NRG1: variants seen among roughly 807,000 people sequenced by gnomAD.
NRG1 encodes pro-neuregulin-1, membrane-bound isoform.
In NRG1, 18 loss-of-function variants were observed where a neutral mutation model predicts 63.8. The ratio of observed to expected loss-of-function variants is 0.28; its 90% CI spans 0.19 to 0.42. The LOEUF is 0.42. Ranked by LOEUF, NRG1 falls within the 10% of genes least tolerant of loss-of-function variation. NRG1 has a pLI of 1.00. For synonymous variants in NRG1, 302 were observed against 301.3 expected, an observed-to-expected ratio of 1.00 and a Z score of -0.02; for missense variants, 762 against 814.7, an observed-to-expected ratio of 0.94 and a Z score of 0.79.
chr8:32,582,982 T>C (rs913194715), intron 1 of NRG1, among the ~76,000 whole-genome samples: 3 of 152,216 alleles, frequency 2.0e-5, no homozygotes, highest in Non-Finnish European at 4.4e-5. Context: ...TTTAGTGTAT[T>C]CCTTTATATT....
chr8:32,625,100 G>A (rs530757612), intron 5 of NRG1, among the ~76,000 whole-genome samples: 1 of 152,304 alleles, frequency 6.6e-6, no homozygotes, highest in African/African-American at 2.4e-5. Context: ...AACTCCGGTA[G>A]TTCATCTGTG....
chr8:32,267,066 A>G (rs1477779115), intron 1 of NRG1, among the ~76,000 whole-genome samples: 1 of 150,180 alleles, frequency 6.7e-6, no homozygotes. Context: ...GAAAGAAAGA[A>G]AAAAAGAAAG....
At chr8:31,706,512 C>A (rs1013075920) in intron 1 of NRG1, among the ~76,000 whole-genome samples, 5 of 152,088 alleles carry the variant, frequency 3.3e-5, no homozygotes, top group Non-Finnish European at 5.9e-5. Context: ...ATAAACAATA[C>A]TGCAAAGAAT....
intron 1 of NRG1, among the ~76,000 whole-genome samples, chr8:32,371,213 A>G (rs1295667869): frequency 6.6e-6 from 1 of 152,230 alleles, no homozygotes; most frequent in Non-Finnish European, 1.5e-5. Flanking sequence ...CACTGTCTCA[A>G]AACAAAACAG....
chr8:32,506,022 G>C (rs1300712698), intron 1 of NRG1, among the ~76,000 whole-genome samples: 1 of 152,130 alleles, frequency 6.6e-6, no homozygotes. Context: ...GGCTGAGGCA[G>C]GAGGATCACT....
chr8:32,342,985 C>A (rs1804265734), intron 1 of NRG1, among the ~76,000 whole-genome samples: 1 of 152,178 alleles, frequency 6.6e-6, no homozygotes, highest in Admixed American at 6.5e-5. Flanking sequence ...ACCAAGTTGT[C>A]TTCCAGAAGT....
At chr8:32,350,535 G>A (rs1805469691) in intron 1 of NRG1, among the ~76,000 whole-genome samples, 1 of 152,116 alleles carries the variant, frequency 6.6e-6, no homozygotes, top group Admixed American at 6.5e-5. Flanking sequence ...TTCTCTAACA[G>A]ACTGAAAGTT....
At chr8:32,738,680 T>C (rs958504979) in intron 6 of NRG1, among the ~76,000 whole-genome samples, 4 of 152,226 alleles carry the variant, frequency 2.6e-5, no homozygotes, top group African/African-American at 9.6e-5. Flanking sequence ...TTAGAAGTAA[T>C]TCCACAGAAT....
chr8:32,368,086 T>C (rs141305312), intron 1 of NRG1, among the ~76,000 whole-genome samples: 24 of 152,302 alleles, frequency 1.6e-4, no homozygotes, highest in African/African-American at 4.3e-4. Flanking sequence ...TTGTAGTATA[T>C]TTTGAAGACA....
chr8:32,763,784 ACCTGTAGATTTCCACACG>A (rs1564139422), exon 12 of NRG1: 1 of 1,577,792 alleles, frequency 6.3e-7, no homozygotes, highest in Non-Finnish European at 8.6e-7. Context: ...CTCGTATGTC[ACCTGTAGATTTCCACACG>A]CCAAGCTCCC....
chr8:32,442,964 C>G (rs1405824400), intron 1 of NRG1, among the ~76,000 whole-genome samples: 1 of 151,338 alleles, frequency 6.6e-6, no homozygotes, highest in African/African-American at 2.4e-5. Context: ...GGGTCTTGCT[C>G]TATCACCCAG....
At chr8:32,300,532 G>A (rs373576215) in intron 1 of NRG1, among the ~76,000 whole-genome samples, 3 of 152,060 alleles carry the variant, frequency 2.0e-5, no homozygotes, top group South Asian at 2.1e-4. Context: ...ATAAAGCTAG[G>A]GAACATGTGA....
intron 5 of NRG1, among the ~76,000 whole-genome samples, chr8:32,652,314 T>A (rs1855309195): frequency 6.6e-6 from 1 of 152,184 alleles, no homozygotes; most frequent in Admixed American, 6.5e-5. Flanking sequence ...TTTTCCCTTT[T>A]TATTAGATCA....
intron 1 of NRG1, among the ~76,000 whole-genome samples, chr8:31,677,049 A>G (rs1055463317): frequency 6.6e-6 from 1 of 152,136 alleles, no homozygotes; most frequent in Non-Finnish European, 1.5e-5. Context: ...ACTCAATTCT[A>G]AACCTGAATG....
At chr8:32,308,615 C>T (rs75127844) in intron 1 of NRG1, among the ~76,000 whole-genome samples, 11,439 of 152,246 alleles carry the variant, frequency 0.075, 517 homozygotes, top group African/African-American at 0.11. Flanking sequence ...CTCTCTTCCA[C>T]CATTCTTTCT....
rs529615140 is a variant in NRG1, at chr8:32,100,787, C to T, written c.37+461356C>T. ...TAAATCCAGAAACTGTCAAAGTAGG[C>T]GATGTCAGAGATGCTGCAGTTGCTT... is the stretch of plus-strand genomic sequence containing the variant. On this transcript the variant is annotated intron_variant, in intron 1 of 10. Coordinates refer to the NRG1 transcript ENST00000519301. 1.3e-4 allele frequency among the ~76,000 whole-genome samples: 20 copies of T among 152,154 alleles called. 1 individual carries two copies. The East Asian group carries it at 2.3e-3, about 18-fold the overall frequency.
At chr8:32,673,529 G>C (rs557327558) in intron 5 of NRG1, among the ~76,000 whole-genome samples, 1 of 152,194 alleles carries the variant, frequency 6.6e-6, no homozygotes, top group Non-Finnish European at 1.5e-5. Context: ...TCTTTTGATG[G>C]GTTAGAAGAT....
chr8:32,382,198 C>T (rs761087713), intron 1 of NRG1, among the ~76,000 whole-genome samples: 1 of 152,098 alleles, frequency 6.6e-6, no homozygotes, highest in Non-Finnish European at 1.5e-5. Context: ...AAGAGTATAA[C>T]TTTCCAAGGT....
At chr8:32,482,218 G>T (rs541901391) in intron 1 of NRG1, among the ~76,000 whole-genome samples, 1 of 151,910 alleles carries the variant, frequency 6.6e-6, no homozygotes, top group East Asian at 1.9e-4. Flanking sequence ...AAAAAAAAAA[G>T]AAAATTCCTG....
Sources: allele counts gnomAD v4.1 joint callset (sites outside exome capture counted in the v4.1 genomes callset), GRCh38; gene constraint gnomAD v4.1.1; transcripts MANE v1.5; gene names NCBI Gene and HGNC (gene_info 2026-07-23, HGNC 2026-07-21).